The following RANBP2 variants were observed in gnomAD, a reference collection of about 807,000 sequenced individuals.
RANBP2 encodes the protein RAN binding protein 2, also known as E3 SUMO-protein ligase RanBP2.
In RANBP2, 57 loss-of-function variants were observed where a neutral mutation model predicts 303.6. The observed-to-expected ratio is 0.19, with a 90% CI of 0.15 to 0.23. The LOEUF (loss-of-function observed/expected upper bound fraction) is 0.23, where lower values mean the gene tolerates loss of function less well. Among genes scored for constraint, RANBP2 ranks in the 10% least tolerant of loss-of-function variants. The pLI, the probability that RANBP2 is intolerant of heterozygous loss-of-function variation, is 1.00. For missense variants in RANBP2, 3,138 were observed against 3,780.8 expected, an observed-to-expected ratio of 0.83 and a Z score of 4.46; for synonymous variants, 1,167 against 1,301.5, an observed-to-expected ratio of 0.90 and a Z score of 2.23.
At chr2:109,089,754 G>A in the RANBP2 span, among the ~76,000 whole-genome samples, 1 of 152,284 alleles carries the variant, frequency 6.6e-6, no homozygotes, top group South Asian at 2.1e-4. Flanking sequence ...TAGTTTTTGA[G>A]AGGCCTGGGA....
the RANBP2 span, among the ~76,000 whole-genome samples, chr2:109,060,374 G>T: frequency 6.6e-6 from 1 of 152,136 alleles, no homozygotes; most frequent in Non-Finnish European, 1.5e-5. Flanking sequence ...TTGCATGAAT[G>T]TGCCTTTGGA....
chr2:109,304,113 AG>A, the RANBP2 span, among the ~76,000 whole-genome samples: 2,012 of 150,534 alleles, frequency 0.013, 52 homozygotes, highest in African/African-American at 0.046. Context: ...AAAAAAAAAA[AG>A]AAAGATCTAC....
At chr2:109,474,967 T>A in the RANBP2 span, among the ~76,000 whole-genome samples, 3 of 151,434 alleles carry the variant, frequency 2.0e-5, no homozygotes, top group African/African-American at 7.3e-5. Context: ...TGTTTGGGTT[T>A]TTTTTGTTTG....
the RANBP2 span, among the ~76,000 whole-genome samples, chr2:109,632,307 A>C: frequency 6.6e-6 from 1 of 152,030 alleles, no homozygotes; most frequent in African/African-American, 2.4e-5. Flanking sequence ...GGTCATGGGA[A>C]CTCCCAAATT....
At chr2:109,163,006 T>A in the RANBP2 span, among the ~76,000 whole-genome samples, 2 of 152,226 alleles carry the variant, frequency 1.3e-5, no homozygotes, top group African/African-American at 4.8e-5. Flanking sequence ...TCCTTTGATT[T>A]GGAGGGAAAA....
chr2:109,540,035 C>T, the RANBP2 span, among the ~76,000 whole-genome samples: 1 of 152,160 alleles, frequency 6.6e-6, no homozygotes, highest in Non-Finnish European at 1.5e-5. Context: ...CTTGAGTACA[C>T]ATCTAGGACT....
At chr2:109,154,824 G>A in the RANBP2 span, among the ~76,000 whole-genome samples, 1 of 152,182 alleles carries the variant, frequency 6.6e-6, no homozygotes, top group African/African-American at 2.4e-5. Context: ...AGAGCCTTCT[G>A]AAGCCCCACT....
chr2:109,614,152 G>A, the RANBP2 span: 4 of 1,196,732 alleles, frequency 3.3e-6, no homozygotes, highest in Non-Finnish European at 4.1e-6. Context: ...ACGGCGCGAG[G>A]AATGCAGGCG....
the RANBP2 span, among the ~76,000 whole-genome samples, chr2:109,363,527 T>C: frequency 2.0e-5 from 3 of 152,196 alleles, no homozygotes; most frequent in African/African-American, 7.2e-5. Context: ...AATAAAAGTT[T>C]TAAGTTTACT....
chr2:108,741,672 A>AT (rs996051475), intron 7 of RANBP2, among the ~76,000 whole-genome samples: 36 of 144,210 alleles, frequency 2.5e-4, no homozygotes, highest in South Asian at 1.8e-3. Flanking sequence ...TGCCCAGCTA[A>AT]TTTTTTTTTT....
chr2:108,759,893 A>G (rs1262211604), intron 18 of RANBP2, among the ~76,000 whole-genome samples: 1 of 152,202 alleles, frequency 6.6e-6, no homozygotes, highest in East Asian at 1.9e-4. Flanking sequence ...ATGTAAATCC[A>G]ACATTCTCAT....
chr2:108,842,825 A>G, the RANBP2 span, among the ~76,000 whole-genome samples: 1 of 152,236 alleles, frequency 6.6e-6, no homozygotes, highest in Non-Finnish European at 1.5e-5. Flanking sequence ...GCAACATCAA[A>G]TTATAAGCAT....
At chr2:109,315,005 A>G in the RANBP2 span, among the ~76,000 whole-genome samples, 47,511 of 152,172 alleles carry the variant, frequency 0.31, 9,204 homozygotes, top group African/African-American at 0.55. Context: ...GCACTGTCCC[A>G]TAAGGTAGCC....
chr2:109,760,628 C>G, the RANBP2 span, among the ~76,000 whole-genome samples: 2 of 142,930 alleles, frequency 1.4e-5, no homozygotes, highest in Admixed American at 7.1e-5. Flanking sequence ...TGGGATGCAC[C>G]TTGAGCGGCG....
the RANBP2 span, among the ~76,000 whole-genome samples, chr2:108,908,285 T>A: frequency 1.3e-5 from 2 of 152,052 alleles, no homozygotes; most frequent in Non-Finnish European, 2.9e-5. Context: ...TGCCACTGCG[T>A]GTGGGAGGCA....
the RANBP2 span, among the ~76,000 whole-genome samples, chr2:109,499,495 TGGG>T: frequency 6.6e-6 from 1 of 152,064 alleles, no homozygotes; most frequent in African/African-American, 2.4e-5. Flanking sequence ...ACAAAAGGGC[TGGG>T]GGTGCAGGGG....
At chr2:108,991,412 G>C in the RANBP2 span, among the ~76,000 whole-genome samples, 1 of 152,212 alleles carries the variant, frequency 6.6e-6, no homozygotes. Context: ...GTAAGAAAAT[G>C]AATCAAGACT....
chr2:109,711,676 C>G, the RANBP2 span, among the ~76,000 whole-genome samples: 1 of 152,180 alleles, frequency 6.6e-6, no homozygotes, highest in African/African-American at 2.4e-5. Flanking sequence ...ACCAGCCTGT[C>G]CTGGCCTCTG....
chr2:109,396,557 GTTTT>G, the RANBP2 span, among the ~76,000 whole-genome samples: 1 of 152,200 alleles, frequency 6.6e-6, no homozygotes, highest in Non-Finnish European at 1.5e-5. Context: ...GGGCTTCTGG[GTTTT>G]TTGTTTTTGT....
Sources: allele counts gnomAD v4.1 joint callset (sites outside exome capture counted in the v4.1 genomes callset), GRCh38; gene constraint gnomAD v4.1.1; transcripts MANE v1.5; gene names NCBI Gene and HGNC (gene_info 2026-07-23, HGNC 2026-07-21).